FRMD5: variants seen among roughly 807,000 people sequenced by gnomAD.
FRMD5 encodes the protein FERM domain-containing protein 5.
A neutral mutation model predicts 69.0 loss-of-function variants in FRMD5; 20 were observed. The observed-to-expected ratio is 0.29, with a 90% CI of 0.20 to 0.42. The LOEUF (loss-of-function observed/expected upper bound fraction) is 0.42. Ranked by LOEUF, FRMD5 falls within the 10% of genes least tolerant of loss-of-function variation. FRMD5 has a pLI of 1.00. For synonymous variants in FRMD5, 271 were observed against 260.1 expected (o/e 1.04, Z -0.40); for missense variants, 595 against 708.6 (o/e 0.84, Z 1.82).
intron 1 of FRMD5, among the ~76,000 whole-genome samples, chr15:44,152,629 AT>A (rs541450887): frequency 2.6e-5 from 4 of 151,742 alleles, no homozygotes; most frequent in South Asian, 2.1e-4. Flanking sequence ...CTTGGCCTTA[AT>A]TTTTTTTTAA....
chr15:43,901,529 G>T (rs1242705923), intron 7 of FRMD5, among the ~76,000 whole-genome samples: 1 of 152,136 alleles, frequency 6.6e-6, no homozygotes, highest in Non-Finnish European at 1.5e-5. Context: ...GACCAGGAGT[G>T]TCAAAGCAAC....
intron 1 of FRMD5, among the ~76,000 whole-genome samples, chr15:43,973,803 G>C (rs1411676254): frequency 6.6e-6 from 1 of 150,908 alleles, no homozygotes; most frequent in Non-Finnish European, 1.5e-5. Flanking sequence ...TTTGGTTTTA[G>C]AGAAACTTAT....
rs568987066 is a variant in FRMD5, at chr15:44,113,515, G to A, written c.102+81438C>T. Among the ~76,000 whole-genome samples the A allele has an allele frequency of 4.6e-5, 7 of 152,184 alleles. No individual in the cohort carries two copies. In the South Asian group the frequency reaches 1.5e-3, roughly 32 times the overall value. On this transcript the variant is annotated intron_variant, in intron 1 of 13. Transcript: ENST00000417257. ...TAATAATCATATTATGGTAAATGGG[G>A]TATTCACCCTCTCTGGCATTTATCC...
intron 1 of FRMD5, among the ~76,000 whole-genome samples, chr15:44,009,139 A>G (rs1168171459): frequency 6.6e-6 from 1 of 152,228 alleles, no homozygotes; most frequent in Non-Finnish European, 1.5e-5. Flanking sequence ...TTGAACAAAT[A>G]AAAATAAGGA....
chr15:43,905,539 A>G (rs2089150035), intron 6 of FRMD5, among the ~76,000 whole-genome samples: 2 of 152,190 alleles, frequency 1.3e-5, no homozygotes, highest in Admixed American at 6.5e-5. Context: ...AGTGAGGCAG[A>G]TGCCTTTCAA....
chr15:44,026,386 G>A (rs1280357583), intron 1 of FRMD5, among the ~76,000 whole-genome samples: 1 of 152,198 alleles, frequency 6.6e-6, no homozygotes. Flanking sequence ...ATTTAAAATA[G>A]CATTTGACTG....
intron 1 of FRMD5, among the ~76,000 whole-genome samples, chr15:43,944,454 T>A (rs2089911183): frequency 6.6e-6 from 1 of 152,196 alleles, no homozygotes; most frequent in African/African-American, 2.4e-5. Context: ...GAGTTTTCAC[T>A]CTTGTTGCCC....
intron 1 of FRMD5, among the ~76,000 whole-genome samples, chr15:44,108,676 A>AAAACAAAC (rs1215033240): frequency 6.6e-6 from 1 of 151,838 alleles, no homozygotes; most frequent in Non-Finnish European, 1.5e-5. Context: ...AAAAAACAAA[A>AAAACAAAC]AACCTCTGGG....
At chr15:44,047,770 G>A (rs1892492305) in intron 1 of FRMD5, among the ~76,000 whole-genome samples, 1 of 152,046 alleles carries the variant, frequency 6.6e-6, no homozygotes, top group Non-Finnish European at 1.5e-5. Context: ...TCTATTTTTT[G>A]TCTCTAATGG....
chr15:44,195,368 A>G, upstream of FRMD5: 1 of 419,424 alleles, frequency 2.4e-6, no homozygotes, highest in Non-Finnish European at 4.3e-6. Context: ...CGAGTGGCAG[A>G]CCGAAAAGCC....
intron 1 of FRMD5, chr15:43,989,138 TG>T: frequency 1.0e-6 from 1 of 984,292 alleles, no homozygotes; most frequent in Non-Finnish European, 1.6e-6. Flanking sequence ...TGCTGGACGG[TG>T]GACAGCCAGG....
intron 1 of FRMD5, among the ~76,000 whole-genome samples, chr15:44,128,702 T>G (rs2555384): frequency 0.82 from 124,588 of 152,056 alleles, 53,578 homozygotes; most frequent in Non-Finnish European, 0.94. Context: ...ATAATATGAC[T>G]ACTTTCAGGA....
chr15:44,052,617 C>T (rs1222102390), intron 1 of FRMD5, among the ~76,000 whole-genome samples: 1 of 152,098 alleles, frequency 6.6e-6, no homozygotes, highest in Non-Finnish European at 1.5e-5. Context: ...ATATTAGAGA[C>T]CAGAAGTCCT....
Position 44,008,226 on chromosome 15 carries a change from G to C in FRMD5, c.103-83917C>G, listed in dbSNP as rs149923131. The stretch of plus-strand genomic sequence containing the variant: ...GGGATTACAGGCATGAGCCTGTAAG[G>C]CTTTATTTCTAGAAGCCTTTATTTC... On this transcript the variant is annotated intron_variant, in intron 1 of 13. Transcript: ENST00000417257. Among the ~76,000 whole-genome samples the C allele has an allele frequency of 7.4e-3, 1,096 of 148,896 alleles. 20 individuals are homozygous for C. Among genetic ancestry groups the C allele is most frequent in the African/African-American group, 0.026 (1,047 of 40,438 alleles).
chr15:43,926,564 T>G (rs1278751545), intron 1 of FRMD5, among the ~76,000 whole-genome samples: 1 of 152,120 alleles, frequency 6.6e-6, no homozygotes, highest in Admixed American at 6.5e-5. Context: ...TTCTGCTAAC[T>G]CACCACATAC....
At chr15:44,164,926 C>A (rs1023942108) in intron 1 of FRMD5, among the ~76,000 whole-genome samples, 1 of 152,230 alleles carries the variant, frequency 6.6e-6, no homozygotes, top group Non-Finnish European at 1.5e-5. Context: ...GTAGAGCAAG[C>A]TGGAGCATCC....
At chr15:44,035,626 G>T (rs1326620533) in intron 1 of FRMD5, among the ~76,000 whole-genome samples, 1 of 152,160 alleles carries the variant, frequency 6.6e-6, no homozygotes. Flanking sequence ...TATTAATGTT[G>T]CTAGGGTAAA....
At chr15:43,935,760 TG>T (rs1194543448) in intron 1 of FRMD5, among the ~76,000 whole-genome samples, 1 of 152,206 alleles carries the variant, frequency 6.6e-6, no homozygotes, top group Non-Finnish European at 1.5e-5. Flanking sequence ...GGCGCATCCC[TG>T]TCATCTTCTG....
intron 1 of FRMD5, among the ~76,000 whole-genome samples, chr15:44,175,577 G>A (rs2140543933): frequency 6.6e-6 from 1 of 152,214 alleles, no homozygotes; most frequent in Non-Finnish European, 1.5e-5. Flanking sequence ...AAGGTAAACA[G>A]ACACACATAT....
Sources: allele counts gnomAD v4.1 joint callset (sites outside exome capture counted in the v4.1 genomes callset), GRCh38; gene constraint gnomAD v4.1.1; transcripts MANE v1.5; gene names NCBI Gene and HGNC (gene_info 2026-07-23, HGNC 2026-07-21).